Variants in PCDH11X observed in about 807,000 individuals in gnomAD.
PCDH11X encodes the protein protocadherin 11 X-linked.
In PCDH11X, 18 loss-of-function variants were observed where a neutral mutation model predicts 53.3. That is an observed-to-expected ratio of 0.34 (90% CI 0.23 to 0.50). PCDH11X has a LOEUF of 0.50. Ranked by LOEUF, PCDH11X falls within the 20% of genes least tolerant of loss-of-function variation. The pLI is 0.98. For synonymous variants in PCDH11X, 279 were observed against 393.3 expected, an observed-to-expected ratio of 0.71 and a Z score of 3.44; for missense variants, 570 against 1,032.4, an observed-to-expected ratio of 0.55 and a Z score of 6.14.
intron 6 of PCDH11X, among the ~76,000 whole-genome samples, chrX:92,089,597 A>G (rs1232963902): frequency 9.2e-6 from 1 of 108,347 alleles, no homozygotes; most frequent in Non-Finnish European, 1.9e-5. Context: ...ATCTTGGCTC[A>G]CTGCAACCTC....
At chrX:92,009,700 C>CTT (rs68159170) in intron 6 of PCDH11X, among the ~76,000 whole-genome samples, 8,129 of 66,584 alleles carry the variant, frequency 0.12, 824 homozygotes, top group East Asian at 0.39. Flanking sequence ...TGACTGTTGC[C>CTT]TTTTTTTTTT....
At chrX:91,874,514 T>C (rs1602403594) in intron 5 of PCDH11X, among the ~76,000 whole-genome samples, 1 of 110,685 alleles carries the variant, frequency 9.0e-6, no homozygotes, top group African/African-American at 3.3e-5. Flanking sequence ...CTTGTGAAAT[T>C]TTTTTTTAAA....
intron 6 of PCDH11X, among the ~76,000 whole-genome samples, chrX:92,139,981 CT>C (rs564798316): frequency 0.037 from 3,711 of 100,207 alleles, 101 homozygotes; most frequent in African/African-American, 0.096. Context: ...TCTATTCTTC[CT>C]TTTTTTTTTT....
intron 1 of PCDH11X, among the ~76,000 whole-genome samples, chrX:91,795,558 G>A (rs192424989): frequency 0.011 from 1,228 of 111,405 alleles, 8 homozygotes; most frequent in Non-Finnish European, 0.016. Context: ...ACAAATTAAA[G>A]ACATAAAAAT....
intron 7 of PCDH11X, among the ~76,000 whole-genome samples, chrX:92,249,387 A>G (rs1217926888): frequency 8.9e-6 from 1 of 112,118 alleles, no homozygotes; most frequent in Admixed American, 9.5e-5. Flanking sequence ...ATTTAAAGTG[A>G]TGTTGGAGCC....
At chrX:92,341,762 A>G (rs914499542) in intron 8 of PCDH11X, among the ~76,000 whole-genome samples, 15 of 112,011 alleles carry the variant, frequency 1.3e-4, no homozygotes, top group African/African-American at 4.6e-4. Flanking sequence ...AACATTAGGC[A>G]TTACAGTTCA....
chrX:92,274,099 A>T (rs2068023107), intron 8 of PCDH11X, among the ~76,000 whole-genome samples: 1 of 104,826 alleles, frequency 9.5e-6, no homozygotes, highest in South Asian at 4.7e-4. Flanking sequence ...GCACAGTCTA[A>T]GTTGGTCTGG....
intron 6 of PCDH11X, among the ~76,000 whole-genome samples, chrX:92,070,482 C>T (rs2148077557): frequency 8.9e-6 from 1 of 112,073 alleles, no homozygotes; most frequent in South Asian, 3.7e-4. Flanking sequence ...CTAAATATGT[C>T]ATGCCACTCT....
At chrX:92,152,676 T>A (rs2065454929) in intron 6 of PCDH11X, among the ~76,000 whole-genome samples, 1 of 112,169 alleles carries the variant, frequency 8.9e-6, no homozygotes, top group South Asian at 3.6e-4. Flanking sequence ...GTTTTCTTCA[T>A]TAGCAAAAAA....
At chrX:91,962,932 G>T (rs1211061228) in intron 6 of PCDH11X, among the ~76,000 whole-genome samples, 1 of 110,290 alleles carries the variant, frequency 9.1e-6, no homozygotes, top group South Asian at 3.9e-4. Flanking sequence ...TGGGACACAG[G>T]GCATCAAGTC....
At chrX:91,980,766 G>A (rs1230918544) in intron 6 of PCDH11X, among the ~76,000 whole-genome samples, 1 of 108,430 alleles carries the variant, frequency 9.2e-6, no homozygotes, top group South Asian at 4.0e-4. Flanking sequence ...AGCATTTTAT[G>A]TTGCTTTGAT....
At chrX:91,925,254 T>A (rs1365303755) in intron 6 of PCDH11X, among the ~76,000 whole-genome samples, 3 of 110,776 alleles carry the variant, frequency 2.7e-5, no homozygotes, top group African/African-American at 6.6e-5. Context: ...AATCATCCAA[T>A]ACAAAGCCTA....
rs1208854116 is a variant in PCDH11X at position 92,116,623 on chromosome X, G to C, written c.3034-84752G>C. On this transcript the variant is annotated intron_variant, in intron 6 of 10. Coordinates refer to ENST00000682573, the MANE Select transcript of PCDH11X (RefSeq NM_032968.5). ...ATTTTTTGAGACAGGGTCTCCCTCT[G>C]TTGCCCAGGCTGGAGTGCAGAGGCA... 6.3e-5 allele frequency among the ~76,000 whole-genome samples: 7 copies of C among 111,726 alleles called. No individual in the cohort carries two copies. The East Asian group carries it at 1.1e-3, about 18-fold the overall frequency.
At chrX:91,873,864 T>C (rs1404660843) in intron 5 of PCDH11X, among the ~76,000 whole-genome samples, 9 of 111,473 alleles carry the variant, frequency 8.1e-5, no homozygotes, top group Non-Finnish European at 1.7e-4. Flanking sequence ...AACTTACAAT[T>C]TCCCCATATA....
chrX:92,275,139 G>A (rs1453952588), intron 8 of PCDH11X, among the ~76,000 whole-genome samples: 6 of 100,547 alleles, frequency 6.0e-5, no homozygotes, highest in Non-Finnish European at 4.1e-5. Flanking sequence ...CAGTATTAAA[G>A]CAGTGGCAGC....
chrX:92,192,385 C>CA (rs1256761819), intron 6 of PCDH11X, among the ~76,000 whole-genome samples: 2 of 111,957 alleles, frequency 1.8e-5, no homozygotes, highest in Non-Finnish European at 3.8e-5. Context: ...GCTCTGTCCC[C>CA]AGGCTGCAGT....
chrX:91,866,228 C>T (rs1414048206), intron 5 of PCDH11X, among the ~76,000 whole-genome samples: 1 of 110,447 alleles, frequency 9.1e-6, no homozygotes, highest in African/African-American at 3.3e-5. Context: ...ACAGGGGATG[C>T]TTCCCCAGCT....
chrX:92,325,676 T>A (rs182088307), intron 8 of PCDH11X, among the ~76,000 whole-genome samples: 1 of 112,243 alleles, frequency 8.9e-6, no homozygotes, highest in East Asian at 2.8e-4. Context: ...ACAGTCAGCA[T>A]GACCCTGACT....
At chrX:92,315,784 C>T (rs1295122326) in intron 8 of PCDH11X, among the ~76,000 whole-genome samples, 1 of 109,343 alleles carries the variant, frequency 9.1e-6, no homozygotes, top group Admixed American at 9.9e-5. Context: ...GATCTGCCCT[C>T]CTTGGCCTCC....
Sources: allele counts gnomAD v4.1 joint callset (sites outside exome capture counted in the v4.1 genomes callset), GRCh38; gene constraint gnomAD v4.1.1; transcripts MANE v1.5; gene names NCBI Gene and HGNC (gene_info 2026-07-23, HGNC 2026-07-21).